GALC: variants seen among roughly 807,000 people sequenced by gnomAD.
GALC encodes galactosylceramidase, also known as galactocerebrosidase.
A neutral mutation model predicts 91.8 loss-of-function variants in GALC; 77 were observed. The ratio of observed to expected loss-of-function variants is 0.84; its 90% CI spans 0.70 to 1.01. GALC has a LOEUF of 1.01. GALC is among the 50% of genes least tolerant of loss of function. GALC has a pLI of 0.00. For synonymous variants in GALC, 357 were observed against 306.7 expected (o/e 1.16, Z -1.71); for missense variants, 882 against 855.9 (o/e 1.03, Z -0.38).
chr14:87,962,326 G>A (rs1885838352), intron 10 of GALC, among the ~76,000 whole-genome samples: 1 of 151,748 alleles, frequency 6.6e-6, no homozygotes, highest in East Asian at 1.9e-4. Flanking sequence ...TGTAGATTCT[G>A]GGAGGGCTGC....
At chr14:87,977,271 C>T (rs568679637) in intron 6 of GALC, among the ~76,000 whole-genome samples, 10 of 152,218 alleles carry the variant, frequency 6.6e-5, no homozygotes, top group Admixed American at 5.2e-4. Flanking sequence ...GTAGGACTGT[C>T]CACCCACAAA....
intron 13 of GALC, among the ~76,000 whole-genome samples, chr14:87,947,460 T>C (rs1353034816): frequency 1.3e-5 from 2 of 152,002 alleles, no homozygotes; most frequent in Admixed American, 1.3e-4. Flanking sequence ...AGTTTAAGTT[T>C]CACCAAAAAC....
chr14:87,939,321 C>A (rs1054259349), intron 16 of GALC, among the ~76,000 whole-genome samples: 1 of 143,344 alleles, frequency 7.0e-6, no homozygotes, highest in Non-Finnish European at 1.5e-5. Context: ...TGTGAGAGAG[C>A]TATCTTGGGA....
At chr14:87,984,594 A>G in intron 4 of GALC, 61 bp from the exon 5 acceptor site, 1 of 1,579,088 alleles carries the variant, frequency 6.3e-7, no homozygotes, top group Admixed American at 1.7e-5. Flanking sequence ...CGCTATTGAA[A>G]ATAAAACAAA....
rs115258217 is a variant in GALC at position 87,939,035 on chromosome 14, C to T, written c.1911+870G>A. Among the ~76,000 whole-genome samples, 678 of 151,910 alleles carry T rather than the reference C, an allele frequency of 4.5e-3. 4 individuals are homozygous for T. The highest frequency in any genetic ancestry group is 0.015 in the African/African-American group (641 of 41,498). On this transcript the variant is annotated intron_variant, in intron 16 of 16. Transcript: ENST00000261304. Reference sequence around the variant, plus strand: ...AGCCAGTAAACATTAGATGTGCAAGCTCCCTAATTATCAAGGAAATACAAA... The same window carrying T: ...AGCCAGTAAACATTAGATGTGCAAGTTCCCTAATTATCAAGGAAATACAAA...
At chr14:87,951,270 A>T (rs1444858660) in intron 10 of GALC, among the ~76,000 whole-genome samples, 1 of 151,926 alleles carries the variant, frequency 6.6e-6, no homozygotes, top group Non-Finnish European at 1.5e-5. Context: ...AAATAGTCAC[A>T]ACTATGGGCT....
At chr14:87,958,201 G>T (rs1885639723) in intron 10 of GALC, among the ~76,000 whole-genome samples, 1 of 152,068 alleles carries the variant, frequency 6.6e-6, no homozygotes, top group Non-Finnish European at 1.5e-5. Flanking sequence ...TGAGTTCGCA[G>T]CACGCAGTGT....
intron 9 of GALC, among the ~76,000 whole-genome samples, chr14:87,964,464 A>G (rs1885945500): frequency 6.6e-6 from 1 of 152,174 alleles, no homozygotes; most frequent in African/African-American, 2.4e-5. Context: ...ATAATCTTTT[A>G]CAAAAAAACT....
chr14:87,975,589 T>G (rs1258636118), intron 7 of GALC, among the ~76,000 whole-genome samples: 1 of 152,052 alleles, frequency 6.6e-6, no homozygotes, highest in African/African-American at 2.4e-5. Context: ...GATGAAGAAT[T>G]GGTCATGGAT....
In GALC at chr14:87,982,226, T is replaced by C. The variant is rs777493633; in HGVS notation, c.600A>G (p.Ser200=). 3.2e-6 allele frequency: 5 copies of C among 1,583,716 alleles called. No homozygotes were observed. In the Admixed American group the frequency reaches 6.7e-5, roughly 21 times the overall value. The change falls in exon 6 of 17, where the codon TCA becomes TCG. Residue 200 remains serine, a synonymous_variant. Transcript: ENST00000261304. The part of the protein sequence containing the change: ...IDYIGIWNER[S]YNANYIKILR... ...ACACCTTAATATAATTGGCATTATA[T>C]GACCTCTCATTCCAAATCTGCAAAA...
intron 16 of GALC, among the ~76,000 whole-genome samples, chr14:87,938,978 AC>A: frequency 6.6e-6 from 1 of 151,972 alleles, no homozygotes; most frequent in Non-Finnish European, 1.5e-5. Context: ...AAAGAAGTGA[AC>A]AGGCAACTTC....
chr14:87,949,569 A>C (rs1277100979), intron 12 of GALC, among the ~76,000 whole-genome samples: 1 of 151,982 alleles, frequency 6.6e-6, no homozygotes, highest in Admixed American at 6.6e-5. Context: ...TGAGTAAGAG[A>C]AATGTGTGGA....
intron 8 of GALC, among the ~76,000 whole-genome samples, chr14:87,967,733 A>T (rs1294731422): frequency 1.3e-5 from 2 of 152,048 alleles, no homozygotes; most frequent in Non-Finnish European, 2.9e-5. Context: ...CCACAACACA[A>T]CCAGCCTGGT....
intron 10 of GALC, among the ~76,000 whole-genome samples, chr14:87,956,722 CAT>C (rs1003554124): frequency 6.6e-6 from 1 of 151,718 alleles, no homozygotes; most frequent in African/African-American, 2.4e-5. Flanking sequence ...GCTACATAAA[CAT>C]ATGTGTGCAG....
At chr14:87,964,721 T>C (rs1016788880) in intron 9 of GALC, among the ~76,000 whole-genome samples, 2 of 152,164 alleles carry the variant, frequency 1.3e-5, no homozygotes, top group Admixed American at 6.6e-5. Context: ...TCTTGTCTGG[T>C]AGAAATTTAA....
intron 10 of GALC, among the ~76,000 whole-genome samples, chr14:87,958,972 C>T (rs184283468): frequency 1.2e-3 from 177 of 152,014 alleles, no homozygotes; most frequent in Admixed American, 1.9e-3. Flanking sequence ...GCACAGACAA[C>T]GCAAAAATAG....
intron 4 of GALC, among the ~76,000 whole-genome samples, chr14:87,985,372 T>C (rs1219570073): frequency 6.6e-6 from 1 of 152,202 alleles, no homozygotes; most frequent in East Asian, 1.9e-4. Context: ...AAATGTGACA[T>C]TAAAGTAATA....
In GALC at chr14:87,936,530, T is replaced by C. The variant is rs1203795042; in HGVS notation, c.1912-1652A>G. 2.6e-5 allele frequency among the ~76,000 whole-genome samples: 4 copies of C among 151,880 alleles called. No individual in the cohort carries two copies. The South Asian group carries it at 6.2e-4, about 24-fold the overall frequency. Reference sequence around the variant, plus strand: ...GGCCCACGAAGTCTAAAATATTTACTATCTGGCCCTTTACAGAAAAAGTTG... The same window carrying C: ...GGCCCACGAAGTCTAAAATATTTACCATCTGGCCCTTTACAGAAAAAGTTG... On this transcript the variant is annotated intron_variant, in intron 16 of 16. Transcript: ENST00000261304.
intron 5 of GALC, 95 bp from the exon 6 acceptor site, chr14:87,982,338 A>G (rs1886785729): frequency 3.7e-6 from 3 of 811,086 alleles, no homozygotes; most frequent in Non-Finnish European, 6.5e-6. Context: ...ATCATCTTTC[A>G]TATTATCTGA....
Sources: gnomAD v4.1 joint callset for allele counts (sites outside exome capture counted in the v4.1 genomes callset) on GRCh38, gnomAD v4.1.1 for gene constraint, MANE v1.5 for transcripts, NCBI Gene and HGNC (gene_info 2026-07-23, HGNC 2026-07-21) for gene names.